The following OTOF variants were observed in gnomAD, a reference collection of about 807,000 sequenced individuals.
The protein encoded by OTOF is otoferlin, also known as fer-1-like family member 2.
OTOF carries 218 observed loss-of-function variants against 236.8 expected under a neutral mutation model. That is an observed-to-expected ratio of 0.92 (90% CI 0.82 to 1.03). The LOEUF is 1.03. Ranked by LOEUF, OTOF falls within the 50% of genes least tolerant of loss-of-function variation. OTOF has a pLI of 0.00. For synonymous variants in OTOF, 1,041 were observed against 1,072.5 expected, an observed-to-expected ratio of 0.97 and a Z score of 0.57; for missense variants, 2,590 against 2,694.4, an observed-to-expected ratio of 0.96 and a Z score of 0.86.
At chr2:26,523,748 C>A (rs1666736185) in intron 3 of OTOF, among the ~76,000 whole-genome samples, 1 of 152,236 alleles carries the variant, frequency 6.6e-6, no homozygotes, top group Non-Finnish European at 1.5e-5. Context: ...CAGCAGTGGC[C>A]ATGGCTTTGC....
intron 32 of OTOF, 37 bp from the exon 33 acceptor site, chr2:26,468,511 T>C: frequency 6.3e-7 from 1 of 1,577,772 alleles, no homozygotes; most frequent in Non-Finnish European, 8.7e-7. Flanking sequence ...AGAAGGTGGG[T>C]TTCCTGGGGA....
At chr2:26,512,807 C>T (rs943608372) in intron 5 of OTOF, among the ~76,000 whole-genome samples, 3 of 152,082 alleles carry the variant, frequency 2.0e-5, no homozygotes, top group Non-Finnish European at 2.9e-5. Context: ...AGGAAGTGAA[C>T]ACTGGCTGAG....
chr2:26,509,137 A>C (rs892184390), intron 5 of OTOF, among the ~76,000 whole-genome samples: 10 of 152,206 alleles, frequency 6.6e-5, no homozygotes, highest in Admixed American at 4.6e-4. Flanking sequence ...GAAGCTGGGC[A>C]TCAAGAAGGG....
At position 26,460,850 on chromosome 2, in the gene OTOF, A is replaced by G; in HGVS notation, c.5712+2T>C. ...ACTGCCCGAGCAGGAAGGGGTGCGC[A>G]CCGTGAGCTCAAACTCATCGTTCTC... On this transcript the variant is annotated splice_donor_variant, in intron 44 of 46. Coordinates refer to ENST00000272371, the MANE Select transcript of OTOF (RefSeq NM_194248.3). LOFTEE classifies it high-confidence loss of function. This position sits in a 1 kb window ranked among gnomAD's most constrained non-coding sequence, Gnocchi z 5.3. 2 of 1,613,870 alleles carry G rather than the reference A, an allele frequency of 1.2e-6. No individual in the cohort carries two copies. The highest frequency in any genetic ancestry group is 1.7e-6 in the Non-Finnish European group (2 of 1,179,962).
chr2:26,557,238 C>A (rs79030085), intron 1 of OTOF, among the ~76,000 whole-genome samples: 18,917 of 152,262 alleles, frequency 0.12, 1,470 homozygotes, highest in Non-Finnish European at 0.18. Flanking sequence ...GACACTGTGT[C>A]CAGCCTGGGC....
At chr2:26,487,456 G>T (rs914446003) in intron 11 of OTOF, among the ~76,000 whole-genome samples, 1 of 152,148 alleles carries the variant, frequency 6.6e-6, no homozygotes, top group African/African-American at 2.4e-5. Flanking sequence ...TACTCACAAT[G>T]TGGCCCTGGA....
At chr2:26,494,132 C>T (rs958866276) in intron 9 of OTOF, among the ~76,000 whole-genome samples, 1 of 152,208 alleles carries the variant, frequency 6.6e-6, no homozygotes, top group Non-Finnish European at 1.5e-5. Flanking sequence ...CAGCCTGGCC[C>T]CTGCTCTATC....
At chr2:26,487,254 T>G (rs1665722812) in intron 11 of OTOF, among the ~76,000 whole-genome samples, 1 of 152,122 alleles carries the variant, frequency 6.6e-6, no homozygotes, top group South Asian at 2.1e-4. Context: ...AACCAACGAC[T>G]CATCAAGAAG....
At position 26,502,620 on chromosome 2, in the gene OTOF, A is replaced by G. The variant is rs1429321721; in HGVS notation, c.584-194T>C. Among the ~76,000 whole-genome samples the G allele has an allele frequency of 2.0e-5, 3 of 152,098 alleles. No individual in the cohort carries two copies. The East Asian group carries it at 5.8e-4, about 29-fold the overall frequency. Reference sequence around the variant, plus strand: ...CCGATCTTGGATTTGAATGGCCATTATGTCTGGTCTTGCCTTTTTATTTTA... The same window carrying G: ...CCGATCTTGGATTTGAATGGCCATTGTGTCTGGTCTTGCCTTTTTATTTTA... On this transcript the variant is annotated intron_variant, in intron 6 of 46. Coordinates refer to ENST00000272371, the MANE Select transcript of OTOF (RefSeq NM_194248.3).
At chr2:26,509,529 G>A (rs1666332237) in intron 5 of OTOF, among the ~76,000 whole-genome samples, 1 of 152,096 alleles carries the variant, frequency 6.6e-6, no homozygotes, top group African/African-American at 2.4e-5. Flanking sequence ...TTTTTTTGAA[G>A]CAATGAATGA....
At chr2:26,512,985 G>T (rs1039461042) in intron 5 of OTOF, among the ~76,000 whole-genome samples, 2 of 152,174 alleles carry the variant, frequency 1.3e-5, no homozygotes, top group Admixed American at 1.3e-4. Context: ...ACAGCTTCCT[G>T]GCACATTACC....
At chr2:26,510,866 C>G (rs1026960382) in intron 5 of OTOF, 11 of 471,866 alleles carry the variant, frequency 2.3e-5, no homozygotes, top group Middle Eastern at 4.8e-4. Flanking sequence ...GCCTCCTTGT[C>G]CCACAGACCT....
chr2:26,487,220 G>C (rs1665721894), intron 11 of OTOF, among the ~76,000 whole-genome samples: 1 of 152,310 alleles, frequency 6.6e-6, no homozygotes, highest in Non-Finnish European at 1.5e-5. Context: ...CTGGGAGCAT[G>C]CTGTCCAACA....
chr2:26,533,347 G>A (rs548587317), intron 2 of OTOF, among the ~76,000 whole-genome samples: 30 of 152,278 alleles, frequency 2.0e-4, no homozygotes, highest in African/African-American at 6.7e-4. Flanking sequence ...AGACGGATTT[G>A]CAAGCTTAAA....
chr2:26,489,825 G>T (rs976065424), intron 9 of OTOF, 85 bp from the exon 10 acceptor site: 14 of 1,012,088 alleles, frequency 1.4e-5, no homozygotes, highest in Non-Finnish European at 2.2e-5. Context: ...TCCTCGCAGG[G>T]CCTGTCTGCA....
intron 5 of OTOF, among the ~76,000 whole-genome samples, chr2:26,504,203 C>T (rs1310637702): frequency 6.6e-6 from 1 of 152,206 alleles, no homozygotes; most frequent in Non-Finnish European, 1.5e-5. Context: ...AGTCTAGTCT[C>T]CTCAGAGCTC....
rs577746810 is a variant in OTOF at position 26,489,104 on chromosome 2, G to T, written c.1045+107C>A. On this transcript the variant is annotated intron_variant, in intron 11 of 46. Coordinates refer to ENST00000272371, the MANE Select transcript of OTOF (RefSeq NM_194248.3). ...GTGTACTAACAGTCGCCAGACTGTG[G>T]TCCTTGCCAGCCTTTTCCCAGGAAC... 10 of 810,704 alleles carry T rather than the reference G, an allele frequency of 1.2e-5. No individual in the cohort carries two copies. In the South Asian group the frequency reaches 1.4e-4, roughly 12 times the overall value. 50.2% of individuals were successfully genotyped at this position (810,704 alleles called of 1,614,324 possible). A position where few individuals can be genotyped will look rare whatever the true frequency, so the allele number is the denominator to read the frequency against.
intron 9 of OTOF, among the ~76,000 whole-genome samples, chr2:26,491,823 C>T (rs1665849892): frequency 6.6e-6 from 1 of 152,234 alleles, no homozygotes. Context: ...CGCAGATGTG[C>T]CAGCCCCAGG....
intron 3 of OTOF, among the ~76,000 whole-genome samples, chr2:26,525,277 TA>T (rs1438461439): frequency 1.3e-5 from 2 of 152,172 alleles, no homozygotes; most frequent in Non-Finnish European, 2.9e-5. Flanking sequence ...AAGCTCCTAA[TA>T]AAACCCACAG....
Sources: allele counts gnomAD v4.1 joint callset (sites outside exome capture counted in the v4.1 genomes callset), GRCh38; gene constraint gnomAD v4.1.1; non-coding constraint Gnocchi (gnomAD v3.1); transcripts MANE v1.5; gene names NCBI Gene and HGNC (gene_info 2026-07-23, HGNC 2026-07-21).